RGS6: variants seen among roughly 807,000 people sequenced by gnomAD.
RGS6 encodes regulator of G-protein signaling 6.
In RGS6, 30 loss-of-function variants were observed where a neutral mutation model predicts 78.5. The observed-to-expected ratio is 0.38, with a 90% CI of 0.29 to 0.52. The LOEUF (loss-of-function observed/expected upper bound fraction) is 0.52. Ranked by LOEUF, RGS6 falls within the 20% of genes least tolerant of loss-of-function variation. The pLI is 0.85. For missense variants in RGS6, 495 were observed against 609.7 expected (o/e 0.81, Z 1.98); for synonymous variants, 206 against 206.0 (o/e 1.00, Z 0.00).
At position 72,253,905 on chromosome 14, in the gene RGS6, A is replaced by G. The variant is rs148737856; in HGVS notation, c.85-98190A>G. On this transcript the variant is annotated intron_variant, in intron 2 of 17. Coordinates refer to ENST00000553525, the MANE Select transcript of RGS6 (RefSeq NM_001204424.2). ...CGCCTATCTGTACTGATACAGGTCT[A>G]TCTGGCATTACGTTTCGGGGCACCA... 4.3e-4 allele frequency among the ~76,000 whole-genome samples: 66 copies of G among 152,324 alleles called. 1 individual carries two copies. The East Asian group carries it at 0.012, about 29-fold the overall frequency.
chr14:72,115,828 C>T (rs1034781677), intron 2 of RGS6, among the ~76,000 whole-genome samples: 2 of 152,182 alleles, frequency 1.3e-5, no homozygotes, highest in African/African-American at 4.8e-5. Flanking sequence ...TGCTATAAGT[C>T]AACCACACCT....
At chr14:72,109,406 C>G (rs986559907) in intron 2 of RGS6, among the ~76,000 whole-genome samples, 2 of 152,190 alleles carry the variant, frequency 1.3e-5, no homozygotes, top group Admixed American at 6.5e-5. Context: ...ACTGCTACCA[C>G]TGCCATCTCC....
chr14:72,435,950 C>CG (rs1438784215), intron 3 of RGS6, among the ~76,000 whole-genome samples: 2 of 152,022 alleles, frequency 1.3e-5, no homozygotes, highest in South Asian at 2.1e-4. Flanking sequence ...ACATGGACAT[C>CG]GGGGGGACAT....
At position 72,563,209 on chromosome 14, in the gene RGS6, C is replaced by T. The variant is rs1358768976; in HGVS notation, c.*742C>T. 5.8e-6 allele frequency: 1 copy of T among 171,860 alleles called. No homozygotes were observed. The highest frequency in any genetic ancestry group is 1.3e-5 in the Non-Finnish European group (1 of 79,536). 10.6% of individuals were successfully genotyped at this position (171,860 alleles called of 1,614,324 possible). A position where few individuals can be genotyped will look rare whatever the true frequency, so the allele number is the denominator to read the frequency against. On this transcript the variant is annotated 3_prime_UTR_variant, in exon 18 of 18. Coordinates refer to ENST00000553525, the MANE Select transcript of RGS6 (RefSeq NM_001204424.2). ...GGAAGCACTGTTGTAGATGACAGAG[C>T]TTTTTGTTTCACAGCTGCGGGGATT...
chr14:72,362,014 T>C (rs905841698), intron 3 of RGS6, among the ~76,000 whole-genome samples: 1 of 152,194 alleles, frequency 6.6e-6, no homozygotes, highest in African/African-American at 2.4e-5. Flanking sequence ...TATTAACTGA[T>C]TTTATTTATG....
chr14:72,475,793 T>G (rs1363400250), intron 10 of RGS6, among the ~76,000 whole-genome samples: 2 of 137,226 alleles, frequency 1.5e-5, no homozygotes, highest in African/African-American at 5.6e-5. Context: ...GATGACCAAT[T>G]AGCTCTCTCT....
the RGS6 span, among the ~76,000 whole-genome samples, chr14:71,883,179 T>A: frequency 6.6e-6 from 1 of 152,342 alleles, no homozygotes; most frequent in South Asian, 2.1e-4. Context: ...TTTTTGGTTT[T>A]TCTAAATGCT....
At chr14:72,307,888 C>T (rs898108448) in intron 2 of RGS6, among the ~76,000 whole-genome samples, 2 of 152,074 alleles carry the variant, frequency 1.3e-5, no homozygotes, top group African/African-American at 4.8e-5. Flanking sequence ...TCTTCATGCC[C>T]TGATAGTGTT....
intron 2 of RGS6, among the ~76,000 whole-genome samples, chr14:72,230,703 TC>T (rs1430228409): frequency 1.3e-5 from 2 of 152,190 alleles, no homozygotes; most frequent in Admixed American, 1.3e-4. Flanking sequence ...TGCTGCAGTC[TC>T]GAGGCAGGAT....
chr14:72,328,619 C>T (rs2074313164), intron 2 of RGS6, among the ~76,000 whole-genome samples: 1 of 152,188 alleles, frequency 6.6e-6, no homozygotes, highest in South Asian at 2.1e-4. Context: ...CTGGTGGCCA[C>T]GTTGACTAAC....
intron 2 of RGS6, among the ~76,000 whole-genome samples, chr14:72,197,253 A>C (rs2040399398): frequency 6.6e-6 from 1 of 152,060 alleles, no homozygotes; most frequent in Non-Finnish European, 1.5e-5. Context: ...TTTAATAGAG[A>C]TGGGGTTTTA....
At chr14:71,935,221 AC>A (rs2088866830) in intron 1 of RGS6, among the ~76,000 whole-genome samples, 1 of 152,248 alleles carries the variant, frequency 6.6e-6, no homozygotes, top group Non-Finnish European at 1.5e-5. Context: ...ATTTCAAAAA[AC>A]AATTTTAACT....
intron 3 of RGS6, among the ~76,000 whole-genome samples, chr14:72,420,790 T>C (rs971809003): frequency 5.9e-5 from 9 of 152,322 alleles, no homozygotes; most frequent in Non-Finnish European, 1.2e-4. Context: ...CCTCTACAAA[T>C]AAGAAATTAA....
chr14:72,477,107 G>A (rs1327782702), intron 11 of RGS6: 4 of 405,478 alleles, frequency 9.9e-6, no homozygotes, highest in South Asian at 5.8e-5. Flanking sequence ...GCTGTAATGG[G>A]GTTTCCCACA....
intron 2 of RGS6, among the ~76,000 whole-genome samples, chr14:72,304,276 A>G (rs1208456504): frequency 6.6e-6 from 1 of 152,136 alleles, no homozygotes; most frequent in Admixed American, 6.5e-5. Flanking sequence ...TGACCTTCTC[A>G]TATTATTTAG....
intron 2 of RGS6, among the ~76,000 whole-genome samples, chr14:72,327,219 A>G (rs2074003200): frequency 6.6e-6 from 1 of 152,130 alleles, no homozygotes. Context: ...TTAGATCCCA[A>G]TTCAAACTCC....
At chr14:72,379,052 C>T (rs1024911208) in intron 3 of RGS6, among the ~76,000 whole-genome samples, 1 of 152,082 alleles carries the variant, frequency 6.6e-6, no homozygotes, top group Non-Finnish European at 1.5e-5. Context: ...AAATATAATA[C>T]ATCACATCCA....
In RGS6 at chr14:71,948,241, C is replaced by A. The variant is rs181801050; in HGVS notation, c.-21+15300C>A. ...AGGGGAGGAATCTTCTTTCTTCCAG[C>A]GTCCTTATCTCAGTCTCAGGGAAGG... is the stretch of plus-strand genomic sequence containing the variant. On this transcript the variant is annotated intron_variant, in intron 1 of 17. Transcript: ENST00000553525. Among the ~76,000 whole-genome samples the A allele has an allele frequency of 7.9e-5, 12 of 152,284 alleles. 1 individual carries two copies. In the East Asian group the frequency reaches 2.3e-3, roughly 29 times the overall value.
At chr14:72,168,654 A>G (rs2096964180) in intron 2 of RGS6, among the ~76,000 whole-genome samples, 2 of 152,210 alleles carry the variant, frequency 1.3e-5, no homozygotes, top group Admixed American at 6.5e-5. Flanking sequence ...TTTTTCTAAT[A>G]TAGCTACTAA....
Sources: gnomAD v4.1 joint callset for allele counts (sites outside exome capture counted in the v4.1 genomes callset) on GRCh38, gnomAD v4.1.1 for gene constraint, MANE v1.5 for transcripts, NCBI Gene and HGNC (gene_info 2026-07-23, HGNC 2026-07-21) for gene names.